The following NUMB variants were observed in gnomAD, a reference collection of about 807,000 sequenced individuals.
NUMB encodes NUMB endocytic adaptor protein.
In NUMB, 29 loss-of-function variants were observed where a neutral mutation model predicts 59.7. That is an observed-to-expected ratio of 0.49 (90% confidence interval 0.36 to 0.66). The LOEUF (loss-of-function observed/expected upper bound fraction) is 0.66, where lower values mean the gene tolerates loss of function less well. NUMB is among the 30% of genes least tolerant of loss of function. The pLI is 0.00. For synonymous variants in NUMB, 288 were observed against 288.2 expected (o/e 1.00, Z 0.01); for missense variants, 723 against 822.0 (o/e 0.88, Z 1.47).
chr14:73,350,639 T>C (rs1893197039), intron 4 of NUMB, among the ~76,000 whole-genome samples: 5 of 151,264 alleles, frequency 3.3e-5, no homozygotes, highest in Non-Finnish European at 7.4e-5. Context: ...TCAAGTGACC[T>C]TCCCACCTCA....
At chr14:73,422,288 T>C (rs1473664988) in intron 1 of NUMB, among the ~76,000 whole-genome samples, 3 of 152,212 alleles carry the variant, frequency 2.0e-5, no homozygotes, top group East Asian at 1.9e-4. Context: ...CATCCTCCTC[T>C]AATCATTGTG....
At position 73,340,652 on chromosome 14, in the gene NUMB, G is replaced by A. The variant is rs140746008; in HGVS notation, c.126+14974C>T. On this transcript the variant is annotated intron_variant, in intron 4 of 12. Transcript: ENST00000555238. ...CTGCTAAATACATCAATGAATTATC[G>A]GTCTCATAGAGAAGAAAATGTAGCA... Among the ~76,000 whole-genome samples, 736 of 152,134 alleles carry A rather than the reference G, an allele frequency of 4.8e-3. 8 individuals are homozygous for A. Among genetic ancestry groups the A allele is most frequent in the African/African-American group, 0.017 (702 of 41,476 alleles).
intron 2 of NUMB, among the ~76,000 whole-genome samples, chr14:73,400,790 A>G (rs368220991): frequency 2.4e-4 from 37 of 152,352 alleles, no homozygotes; most frequent in Middle Eastern, 3.4e-3. Context: ...GGATAGATGA[A>G]CACTTGGAGG....
At chr14:73,368,337 G>A (rs1045614714) in intron 2 of NUMB, among the ~76,000 whole-genome samples, 1 of 152,166 alleles carries the variant, frequency 6.6e-6, no homozygotes, top group African/African-American at 2.4e-5. Flanking sequence ...AGCACTTTGG[G>A]AGGCCGAGGC....
intron 4 of NUMB, among the ~76,000 whole-genome samples, chr14:73,354,582 T>C (rs1893667917): frequency 6.7e-6 from 1 of 150,050 alleles, no homozygotes; most frequent in Non-Finnish European, 1.5e-5. Flanking sequence ...ATCCCAGCAC[T>C]TTGGGGGCTG....
intron 4 of NUMB, among the ~76,000 whole-genome samples, chr14:73,326,230 A>G (rs7140876): frequency 0.56 from 84,534 of 152,030 alleles, 24,129 homozygotes; most frequent in East Asian, 0.73. Flanking sequence ...CTGAACTAAT[A>G]TACAGACCAC....
At chr14:73,402,341 CAT>C (rs1184231151) in intron 2 of NUMB, among the ~76,000 whole-genome samples, 1 of 152,080 alleles carries the variant, frequency 6.6e-6, no homozygotes, top group African/African-American at 2.4e-5. Flanking sequence ...GATCCTAAAA[CAT>C]AAAAATAATA....
chr14:73,449,455 TTA>T (rs1883775923), intron 1 of NUMB, among the ~76,000 whole-genome samples: 1 of 152,214 alleles, frequency 6.6e-6, no homozygotes, highest in Admixed American at 6.5e-5. Flanking sequence ...TTTATTCGTA[TTA>T]TTTGTATTGT....
chr14:73,409,370 A>G (rs1896811553), intron 2 of NUMB: 1 of 152,296 alleles, frequency 6.6e-6, no homozygotes, highest in Non-Finnish European at 1.5e-5. Context: ...CCAAGCAGCC[A>G]CAAGGAGAAG....
At chr14:73,314,417 C>T (rs1198148694) in intron 6 of NUMB, among the ~76,000 whole-genome samples, 1 of 151,098 alleles carries the variant, frequency 6.6e-6, no homozygotes, top group East Asian at 2.0e-4. Flanking sequence ...AATTCTCTTT[C>T]TTATACCATA....
At chr14:73,397,046 C>T (rs1896171558) in intron 2 of NUMB, among the ~76,000 whole-genome samples, 1 of 152,128 alleles carries the variant, frequency 6.6e-6, no homozygotes, top group Non-Finnish European at 1.5e-5. Flanking sequence ...AACACTTGAA[C>T]CCGGGAGGCA....
intron 1 of NUMB, among the ~76,000 whole-genome samples, chr14:73,422,230 G>A (rs546722626): frequency 2.0e-5 from 3 of 152,248 alleles, no homozygotes; most frequent in South Asian, 4.1e-4. Context: ...TACCTTGTGG[G>A]ATGTCAGGCA....
At chr14:73,376,847 CA>C (rs1894972134) in intron 2 of NUMB, among the ~76,000 whole-genome samples, 1 of 152,140 alleles carries the variant, frequency 6.6e-6, no homozygotes, top group Admixed American at 6.6e-5. Context: ...TGTGAATCCA[CA>C]GCACTCCAGC....
chr14:73,441,501 A>C (rs1052175788), intron 1 of NUMB, among the ~76,000 whole-genome samples: 1 of 151,836 alleles, frequency 6.6e-6, no homozygotes, highest in African/African-American at 2.4e-5. Context: ...CACGCCACAC[A>C]CTCCAGCCTG....
At chr14:73,426,574 G>C (rs150250692) in intron 1 of NUMB, among the ~76,000 whole-genome samples, 1 of 152,058 alleles carries the variant, frequency 6.6e-6, no homozygotes, top group African/African-American at 2.4e-5. Flanking sequence ...AGGGCCGGGC[G>C]CGGTGGCTCA....
At chr14:73,426,541 T>C (rs914558710) in intron 1 of NUMB, among the ~76,000 whole-genome samples, 3 of 152,026 alleles carry the variant, frequency 2.0e-5, no homozygotes, top group Admixed American at 1.3e-4. Flanking sequence ...GATCCATCTC[T>C]ACAAAAAATT....
At chr14:73,445,109 G>A (rs1369827056) in intron 1 of NUMB, among the ~76,000 whole-genome samples, 1 of 151,808 alleles carries the variant, frequency 6.6e-6, no homozygotes, top group Non-Finnish European at 1.5e-5. Context: ...AGAATTTAGA[G>A]ATTAGCTGTA....
At chr14:73,336,800 G>A (rs990692892) in intron 4 of NUMB, among the ~76,000 whole-genome samples, 1 of 152,130 alleles carries the variant, frequency 6.6e-6, no homozygotes, top group Non-Finnish European at 1.5e-5. Flanking sequence ...TTAGCAAACA[G>A]AATCCCTTAA....
rs1896836019 is a variant in NUMB, at chr14:73,410,039, TC to T, written c.-204del. Reference sequence around the variant, plus strand: ...GTAACAGTGGCTGCACTGGCACTCTTCCCCGGAAGAAGTTGCTTAAGCCTCA... The same window carrying T: ...GTAACAGTGGCTGCACTGGCACTCTTCCCGGAAGAAGTTGCTTAAGCCTCA... On this transcript the variant is annotated 5_prime_UTR_variant, in exon 2 of 13. Transcript: ENST00000555238. 1 of 152,246 alleles carries T rather than the reference TC, an allele frequency of 6.6e-6. No individual in the cohort carries two copies. The highest frequency in any genetic ancestry group is 1.5e-5 in the Non-Finnish European group (1 of 68,048). 9.4% of individuals were successfully genotyped at this position (152,246 alleles called of 1,614,324 possible).
Sources: allele counts gnomAD v4.1 joint callset (sites outside exome capture counted in the v4.1 genomes callset), GRCh38; gene constraint gnomAD v4.1.1; transcripts MANE v1.5; gene names NCBI Gene and HGNC (gene_info 2026-07-23, HGNC 2026-07-21).